The following PDE6C variants were observed in gnomAD, a reference collection of about 807,000 sequenced individuals.
PDE6C encodes cone cGMP-specific 3',5'-cyclic phosphodiesterase subunit alpha'.
Under a neutral mutation model 113.1 loss-of-function variants are expected in PDE6C, and 75 were observed. The observed-to-expected ratio is 0.66, with a 90% CI of 0.55 to 0.80. PDE6C has a LOEUF of 0.80. PDE6C is among the 30% of genes least tolerant of loss of function. The pLI, the probability that PDE6C is intolerant of heterozygous loss-of-function variation, is 0.00. For synonymous variants in PDE6C, 375 were observed against 363.7 expected, an observed-to-expected ratio of 1.03 and a Z score of -0.35; for missense variants, 912 against 1,038.6, an observed-to-expected ratio of 0.88 and a Z score of 1.67.
At chr10:93,627,258 CA>C (rs57142181) in intron 7 of PDE6C, among the ~76,000 whole-genome samples, 1,396 of 52,442 alleles carry the variant, frequency 0.027, 5 homozygotes, top group African/African-American at 0.07. Flanking sequence ...TGAAACTCCA[CA>C]AAAAAAAAAA....
rs1445717166 is a variant in PDE6C, at chr10:93,619,941, T to A, written c.481-691T>A. ...TCATAAAGCACCCAGGGTGGAGTAG[T>A]GTGCACAAATCTAAGAGGTGAGTTC... is the stretch of plus-strand genomic sequence containing the variant. On this transcript the variant is annotated intron_variant, in intron 1 of 21. Transcript: ENST00000371447. 2.0e-5 allele frequency among the ~76,000 whole-genome samples: 3 copies of A among 152,138 alleles called. No homozygotes were observed. The East Asian group carries it at 5.8e-4, about 29-fold the overall frequency.
At position 93,612,609 on chromosome 10, in the gene PDE6C, C is replaced by T; in HGVS notation, c.-117C>T. ...TGACCTTTGGAAGTCCTATGAGGGA[C>T]CATTTACGGTTTCCTCAGTAATTTC... On this transcript the variant is annotated 5_prime_UTR_variant, in exon 1 of 22. Transcript: ENST00000371447. 7.2e-7 allele frequency: 1 copy of T among 1,389,824 alleles called. No homozygotes were observed. Among genetic ancestry groups the T allele is most frequent in the East Asian group, 2.3e-5 (1 of 43,882 alleles). 86.1% of individuals were successfully genotyped at this position (1,389,824 alleles called of 1,614,324 possible). A position where few individuals can be genotyped will look rare whatever the true frequency, so the allele number is the denominator to read the frequency against.
chr10:93,662,898 G>C, intron 20 of PDE6C, 130 bp from the exon 21 acceptor site: 2 of 810,460 alleles, frequency 2.5e-6, no homozygotes, highest in Non-Finnish European at 4.1e-6. Context: ...AACTTCATAG[G>C]CCCGTGGTTA....
chr10:93,634,085 C>T (rs923878521), intron 8 of PDE6C, among the ~76,000 whole-genome samples: 12 of 151,978 alleles, frequency 7.9e-5, no homozygotes, highest in African/African-American at 2.2e-4. Context: ...TGCAGTGGCA[C>T]GATCTTGGCT....
chr10:93,664,428 A>T (rs551199460), intron 21 of PDE6C, among the ~76,000 whole-genome samples: 16 of 152,222 alleles, frequency 1.1e-4, no homozygotes, highest in African/African-American at 3.6e-4. Flanking sequence ...TGCGAAGTAC[A>T]TATGAAGCTG....
chr10:93,648,701 C>T (rs998178538), intron 15 of PDE6C, among the ~76,000 whole-genome samples: 8 of 152,130 alleles, frequency 5.3e-5, no homozygotes, highest in African/African-American at 1.7e-4. Context: ...GAAATCAATG[C>T]TTTAACCCAA....
At chr10:93,629,919 G>A (rs561097052) in intron 8 of PDE6C, among the ~76,000 whole-genome samples, 1 of 152,086 alleles carries the variant, frequency 6.6e-6, no homozygotes, top group Non-Finnish European at 1.5e-5. Flanking sequence ...GCCAGTACTG[G>A]TTTATAGTCC....
chr10:93,633,825 G>A (rs1273470692), intron 8 of PDE6C, among the ~76,000 whole-genome samples: 1 of 152,214 alleles, frequency 6.6e-6, no homozygotes, highest in Non-Finnish European at 1.5e-5. Flanking sequence ...AAAGGGAACA[G>A]TGAGGTAACA....
At chr10:93,635,045 T>C in intron 9 of PDE6C, 138 bp downstream of exon 9, 1 of 967,184 alleles carries the variant, frequency 1.0e-6, no homozygotes, top group Non-Finnish European at 1.6e-6. Context: ...CAATATGTTG[T>C]TATTTTGTCG....
Position 93,665,634 on chromosome 10 carries a change from T to C in PDE6C, c.*216T>C. ...ATGACAAAAATAGGTACATTTTTGGTGCCAATTTATTTTAAATTAAAAAAT... is the reference window on the plus strand; with the variant it reads ...ATGACAAAAATAGGTACATTTTTGGCGCCAATTTATTTTAAATTAAAAAAT... On this transcript the variant is annotated 3_prime_UTR_variant, in exon 22 of 22. Coordinates refer to ENST00000371447, the MANE Select transcript of PDE6C (RefSeq NM_006204.4). 1.8e-6 allele frequency: 1 copy of C among 551,466 alleles called. No individual in the cohort carries two copies. 34.2% of individuals were successfully genotyped at this position (551,466 alleles called of 1,614,324 possible).
intron 18 of PDE6C, among the ~76,000 whole-genome samples, chr10:93,659,853 C>G (rs1222737513): frequency 2.0e-5 from 3 of 152,132 alleles, no homozygotes; most frequent in Non-Finnish European, 4.4e-5. Context: ...TAGTGTTTTC[C>G]TCTATCAAGG....
intron 20 of PDE6C, 76 bp from the exon 21 acceptor site, chr10:93,662,952 C>A: frequency 7.8e-7 from 1 of 1,277,340 alleles, no homozygotes; most frequent in Non-Finnish European, 1.1e-6. Context: ...TTCCTTACAG[C>A]TCACTCTCTG....
chr10:93,626,528 T>A, intron 5 of PDE6C, 112 bp from the exon 6 acceptor site: 1 of 677,482 alleles, frequency 1.5e-6, no homozygotes. Context: ...TAATATAATG[T>A]GGTTGGGAAA....
intron 10 of PDE6C, among the ~76,000 whole-genome samples, chr10:93,636,303 A>G (rs1428881902): frequency 2.6e-5 from 4 of 151,896 alleles, no homozygotes; most frequent in African/African-American, 9.7e-5. Flanking sequence ...CCATGTTCTA[A>G]TCACCACAAA....
intron 11 of PDE6C, among the ~76,000 whole-genome samples, chr10:93,637,522 T>C (rs2058539479): frequency 6.6e-6 from 1 of 152,206 alleles, no homozygotes; most frequent in African/African-American, 2.4e-5. Context: ...ATCCCTATTA[T>C]TTTTCTTTGA....
In PDE6C at chr10:93,612,923, G is replaced by A. The variant is rs752108634; in HGVS notation, c.198G>A (p.Leu66=). ...VEESALCLEL[L]WTVQEEGGTP... Reference sequence around the variant, plus strand: ...AGTCAGCCCTGTGCTTGGAGCTGCTGTGGACCGTGCAGGAGGAGGGGGGCA... The same window carrying A: ...AGTCAGCCCTGTGCTTGGAGCTGCTATGGACCGTGCAGGAGGAGGGGGGCA... Residue 66 remains leucine, a synonymous_variant, in exon 1 of 22, where the codon CTG becomes CTA. Coordinates refer to ENST00000371447, the MANE Select transcript of PDE6C (RefSeq NM_006204.4). The A allele has an allele frequency of 1.9e-6, 3 of 1,614,044 alleles. No individual in the cohort carries two copies. The East Asian group carries it at 6.7e-5, about 36-fold the overall frequency.
intron 8 of PDE6C, among the ~76,000 whole-genome samples, chr10:93,630,397 A>G (rs1489969415): frequency 1.4e-5 from 1 of 70,748 alleles, no homozygotes; most frequent in Non-Finnish European, 2.7e-5. Flanking sequence ...CCCAACTGTC[A>G]CCCCCCACCT....
At chr10:93,624,217 C>T (rs986245369) in intron 4 of PDE6C, among the ~76,000 whole-genome samples, 3 of 151,964 alleles carry the variant, frequency 2.0e-5, no homozygotes, top group Non-Finnish European at 2.9e-5. Context: ...AAATAACTAA[C>T]GATACCATAT....
intron 12 of PDE6C, 23 bp from the exon 13 acceptor site, chr10:93,640,427 T>C: frequency 6.5e-7 from 1 of 1,546,372 alleles, no homozygotes; most frequent in Non-Finnish European, 8.9e-7. Flanking sequence ...TTCCAAAGTC[T>C]GAATGGTGTC....
Sources: gnomAD v4.1 joint callset for allele counts (sites outside exome capture counted in the v4.1 genomes callset) on GRCh38, gnomAD v4.1.1 for gene constraint, MANE v1.5 for transcripts, NCBI Gene and HGNC (gene_info 2026-07-23, HGNC 2026-07-21) for gene names.